GAK: variants seen among roughly 807,000 people sequenced by gnomAD.
GAK encodes the protein cyclin-G-associated kinase.
In GAK, 79 loss-of-function variants were observed where a neutral mutation model predicts 143.9. That is an observed-to-expected ratio of 0.55 (90% CI 0.46 to 0.66). The LOEUF is 0.66. GAK is among the 30% of genes least tolerant of loss of function. The pLI, the probability that GAK is intolerant of heterozygous loss-of-function variation, is 0.00. For missense variants in GAK, 1,693 were observed against 1,779.7 expected (o/e 0.95, Z 0.88); for synonymous variants, 881 against 765.5 (o/e 1.15, Z -2.49).
intron 1 of GAK, among the ~76,000 whole-genome samples, chr4:918,433 C>G (rs1723394555): frequency 6.6e-6 from 1 of 152,234 alleles, no homozygotes; most frequent in Non-Finnish European, 1.5e-5. Flanking sequence ...AAAGGAAAAA[C>G]TAACGAAAGA....
rs1717440383 is a variant in GAK at position 890,585 on chromosome 4, A to C, written c.1028T>G (p.Leu343Arg). Residue 343 changes from leucine to arginine, a missense_variant, in exon 10 of 28, where the codon CTG becomes CGG. Transcript: ENST00000314167. ...EQNGGYGSAT[L>R]SRGPPPPVGP... Reference sequence around the variant, plus strand: ...CACGGGAGGGGGTGGCCCTCGGGACAGTGTGGCGCTCCCGTAGCCTCCATT... The same window carrying C: ...CACGGGAGGGGGTGGCCCTCGGGACCGTGTGGCGCTCCCGTAGCCTCCATT... The C allele has an allele frequency of 6.2e-7, 1 of 1,611,598 alleles. No homozygotes were observed. The highest frequency in any genetic ancestry group is 1.3e-5 in the African/African-American group (1 of 74,906).
In GAK at chr4:865,140, G is replaced by A. The variant is rs1335174334; in HGVS notation, c.3148C>T (p.Pro1050Ser). 2 of 1,609,930 alleles carry A rather than the reference G, an allele frequency of 1.2e-6. No homozygotes were observed. Among genetic ancestry groups the A allele is most frequent in the Non-Finnish European group, 1.7e-6 (2 of 1,178,096 alleles). Reference sequence around the variant, plus strand: ...GCCATACCTTCTGTGGCTGGCGTGGGGGCCACTGCCGATGCTGCAGTCTCG... The same window carrying A: ...GCCATACCTTCTGTGGCTGGCGTGGAGGCCACTGCCGATGCTGCAGTCTCG... Reference protein sequence around the residue: ...WTETAASAVAPTPATEGPLFS... With the variant: ...WTETAASAVASTPATEGPLFS... Residue 1050 changes from proline to serine, a missense_variant, in exon 23 of 28, where the codon CCC becomes TCC. Around this residue, in one of 2 missense-constraint regions of GAK, gnomAD observed 822 missense variants for 788.7 expected, o/e 1.04. Coordinates refer to ENST00000314167, the MANE Select transcript of GAK (RefSeq NM_005255.4).
chr4:870,892 G>A lies in GAK; in HGVS notation c.2067C>T (p.Asp689=), dbSNP rs375332050. ...GGTATTTTTCTTGAATGTCACACGC[G>A]TCCAGGTCATACCTGCGGTTACAAG... ...TTVKFAKYDL[D]ACDIQEKYPD... Residue 689 remains aspartate (D), a synonymous_variant, in exon 19 of 28, where the codon GAC becomes GAT. Transcript: ENST00000314167. 40 of 1,612,780 alleles carry A rather than the reference G, an allele frequency of 2.5e-5. 1 individual carries two copies. The highest frequency in any genetic ancestry group is 1.2e-4 in the African/African-American group (9 of 74,840).
At chr4:893,326 T>C (rs757983491) in intron 9 of GAK, 51 bp downstream of exon 9, 2 of 1,314,130 alleles carry the variant, frequency 1.5e-6, no homozygotes, top group Non-Finnish European at 2.1e-6. Flanking sequence ...GGCTCATGTG[T>C]GCCTCCTTCA....
chr4:872,959 C>T (rs560348713), intron 18 of GAK, among the ~76,000 whole-genome samples: 1 of 151,916 alleles, frequency 6.6e-6, no homozygotes, highest in Non-Finnish European at 1.5e-5. Context: ...GCAGGGAACA[C>T]GCCTCTCGCC....
intron 1 of GAK, among the ~76,000 whole-genome samples, chr4:927,835 G>C (rs1186904316): frequency 1.3e-5 from 2 of 149,152 alleles, no homozygotes; most frequent in African/African-American, 4.9e-5. Context: ...CCCTCCCTGG[G>C]TGAGCGCAGC....
In GAK at chr4:877,167, C is replaced by G. The variant is rs201465712; in HGVS notation, c.1897G>C (p.Gly633Arg). Reference protein sequence around the residue: ...IEDGKAVIPLGVTVQGDVLIV... With the variant: ...IEDGKAVIPLRVTVQGDVLIV... ...AGCACGTCTCCTTGCACCGTGACGC[C>G]CAGGGGAATCACCGCTTTGCCATCT... Residue 633 changes from glycine to arginine, a missense_variant, in exon 17 of 28, where the codon GGC becomes CGC. Around this residue, in one of 2 missense-constraint regions of GAK, gnomAD observed 871 missense variants for 991.0 expected, o/e 0.88. Coordinates refer to ENST00000314167, the MANE Select transcript of GAK (RefSeq NM_005255.4). 5.1e-5 allele frequency: 82 copies of G among 1,613,840 alleles called. No individual in the cohort carries two copies. Among genetic ancestry groups the G allele is most frequent in the Non-Finnish European group, 3.9e-5 (46 of 1,179,928 alleles).
chr4:904,854 G>T, intron 4 of GAK, 75 bp from the exon 5 acceptor site: 2 of 1,456,076 alleles, frequency 1.4e-6, no homozygotes, highest in South Asian at 2.4e-5. Context: ...TGTTTCACGC[G>T]GACTTCCCAG....
intron 18 of GAK, among the ~76,000 whole-genome samples, chr4:876,285 G>A (rs538198135): frequency 3.0e-4 from 45 of 152,366 alleles, no homozygotes; most frequent in Admixed American, 2.4e-3. Flanking sequence ...CGCCACGCCC[G>A]GGTGTGAGGG....
At chr4:896,812 T>C (rs1239309362) in intron 6 of GAK, among the ~76,000 whole-genome samples, 2 of 152,256 alleles carry the variant, frequency 1.3e-5, no homozygotes, top group African/African-American at 4.8e-5. Context: ...CTTCATGGCA[T>C]GTCGGCACCG....
intron 26 of GAK, 135 bp downstream of exon 26, chr4:850,801 C>T (rs1747998409): frequency 1.0e-6 from 1 of 976,524 alleles, no homozygotes; most frequent in Non-Finnish European, 1.5e-6. Context: ...GACGCCGGCT[C>T]CATGTGGTAC....
At chr4:865,365 G>C in intron 22 of GAK, 121 bp from the exon 23 acceptor site, 7 of 1,255,688 alleles carry the variant, frequency 5.6e-6, no homozygotes, top group Non-Finnish European at 7.8e-6. Context: ...AGGCTGAGCT[G>C]AGGCTGGGCT....
At chr4:917,545 C>T (rs1329236689) in intron 1 of GAK, among the ~76,000 whole-genome samples, 3 of 152,260 alleles carry the variant, frequency 2.0e-5, no homozygotes, top group East Asian at 1.9e-4. Context: ...TACATATACA[C>T]ATACAGTTAG....
At chr4:899,189 C>G (rs1471720112) in intron 5 of GAK, among the ~76,000 whole-genome samples, 2 of 152,238 alleles carry the variant, frequency 1.3e-5, no homozygotes, top group African/African-American at 4.8e-5. Flanking sequence ...ATCAAGGAAG[C>G]CTCAGCCCCA....
intron 3 of GAK, chr4:912,377 A>T (rs575475028): frequency 2.7e-6 from 1 of 370,556 alleles, no homozygotes; most frequent in African/African-American, 2.1e-5. Flanking sequence ...TGTGGGAGCC[A>T]GGCCATCTGC....
Position 854,268 on chromosome 4 carries a change from G to A in GAK, c.3284-2294C>T, listed in dbSNP as rs555690983. ...CGTAGGCAGAGGACCCTGCGCTCTC[G>A]CCCATTTTCTAACTGGATTGCTTTC... On this transcript the variant is annotated intron_variant, in intron 24 of 27. Transcript: ENST00000314167. Among the ~76,000 whole-genome samples, 33 of 152,204 alleles carry A rather than the reference G, an allele frequency of 2.2e-4. 1 individual carries two copies. The South Asian group carries it at 5.4e-3, about 25-fold the overall frequency.
intron 1 of GAK, among the ~76,000 whole-genome samples, chr4:924,770 C>G (rs1724436906): frequency 6.6e-6 from 1 of 151,838 alleles, no homozygotes. Context: ...CCTCCCGGGG[C>G]TGCTCTCAGG....
intron 14 of GAK, 98 bp downstream of exon 14, chr4:882,599 G>A: frequency 6.9e-7 from 1 of 1,458,382 alleles, no homozygotes; most frequent in Non-Finnish European, 9.4e-7. Context: ...GTGAAGAACA[G>A]GCCCCAGCTC....
At chr4:863,588 A>G (rs1750657708) in intron 23 of GAK, among the ~76,000 whole-genome samples, 1 of 152,252 alleles carries the variant, frequency 6.6e-6, no homozygotes, top group African/African-American at 2.4e-5. Flanking sequence ...TTCAGGAATC[A>G]GCACCCTGAT....
Sources: gnomAD v4.1 joint callset for allele counts (sites outside exome capture counted in the v4.1 genomes callset) on GRCh38, gnomAD v4.1.1 for gene constraint, gnomAD v4.1.1 regional missense constraint, MANE v1.5 for transcripts, NCBI Gene and HGNC (gene_info 2026-07-23, HGNC 2026-07-21) for gene names.